The following GPC6 variants were observed in gnomAD, a reference collection of about 807,000 sequenced individuals.
GPC6 encodes glypican 6.
Under a neutral mutation model 55.2 loss-of-function variants are expected in GPC6, and 14 were observed. That is an observed-to-expected ratio of 0.25 (90% CI 0.17 to 0.40). The LOEUF is 0.40. Among genes scored for constraint, GPC6 ranks in the 10% least tolerant of loss-of-function variants. The pLI is 1.00. For missense variants in GPC6, 641 were observed against 708.5 expected, an observed-to-expected ratio of 0.90 and a Z score of 1.08; for synonymous variants, 278 against 259.6, an observed-to-expected ratio of 1.07 and a Z score of -0.68.
intron 4 of GPC6, among the ~76,000 whole-genome samples, chr13:94,136,816 T>C (rs1887201717): frequency 1.3e-5 from 2 of 152,236 alleles, no homozygotes; most frequent in Admixed American, 1.3e-4. Flanking sequence ...TTCAGAATGA[T>C]TATCAGGACA....
chr13:94,042,943 G>A lies in GPC6; in HGVS notation c.877+15049G>A, dbSNP rs115112784. On this transcript the variant is annotated intron_variant, in intron 4 of 8. Coordinates refer to ENST00000377047, the MANE Select transcript of GPC6 (RefSeq NM_005708.5). ...ATCTGTTTAGTTATGTATTTATATC[G>A]GTATGAGCTCATGGTCATTCGTTAT... 4.3e-3 allele frequency among the ~76,000 whole-genome samples: 651 copies of A among 151,490 alleles called. 7 individuals carry two copies. Among genetic ancestry groups the A allele is most frequent in the African/African-American group, 0.015 (621 of 41,370 alleles).
At chr13:93,475,206 A>G (rs1255817468) in intron 1 of GPC6, among the ~76,000 whole-genome samples, 1 of 152,176 alleles carries the variant, frequency 6.6e-6, no homozygotes, top group Non-Finnish European at 1.5e-5. Flanking sequence ...CACTATGATG[A>G]TTGAAACATG....
chr13:93,812,023 T>G (rs1350177838), intron 2 of GPC6, among the ~76,000 whole-genome samples: 2 of 151,920 alleles, frequency 1.3e-5, no homozygotes, highest in Non-Finnish European at 2.9e-5. Flanking sequence ...CCATTTTATA[T>G]ATTCAGTGAA....
chr13:93,627,121 A>G (rs1853200008), intron 2 of GPC6, among the ~76,000 whole-genome samples: 1 of 152,026 alleles, frequency 6.6e-6, no homozygotes, highest in South Asian at 2.1e-4. Context: ...CATTACCTAC[A>G]TTAGGTATTT....
chr13:93,923,206 G>T (rs1399172018), intron 3 of GPC6, among the ~76,000 whole-genome samples: 2 of 152,074 alleles, frequency 1.3e-5, no homozygotes, highest in Non-Finnish European at 2.9e-5. Context: ...GGCTACAGAT[G>T]CACTTAATTA....
Position 93,495,357 on chromosome 13 carries a change from C to T in GPC6, c.161-49906C>T, listed in dbSNP as rs1205870891. Among the ~76,000 whole-genome samples, 4 of 144,938 alleles carry T rather than the reference C, an allele frequency of 2.8e-5. 1 individual carries two copies. In the East Asian group the frequency reaches 8.6e-4, roughly 31 times the overall value. On this transcript the variant is annotated intron_variant, in intron 1 of 8. Coordinates refer to ENST00000377047, the MANE Select transcript of GPC6 (RefSeq NM_005708.5). ...TGCATTCTTCACGTAGTTCTCGAGCCTTGGTTTTCAGCTCCATCAGCTCCT... is the reference window on the plus strand; with the variant it reads ...TGCATTCTTCACGTAGTTCTCGAGCTTTGGTTTTCAGCTCCATCAGCTCCT...
intron 4 of GPC6, among the ~76,000 whole-genome samples, chr13:94,219,415 C>T (rs1411641623): frequency 6.6e-6 from 1 of 152,154 alleles, no homozygotes; most frequent in East Asian, 1.9e-4. Flanking sequence ...ACTAGGGGCT[C>T]TTTACACCCA....
intron 2 of GPC6, among the ~76,000 whole-genome samples, chr13:93,714,474 C>T (rs1182205330): frequency 6.6e-6 from 1 of 151,852 alleles, no homozygotes; most frequent in Non-Finnish European, 1.5e-5. Context: ...AATGCTTATA[C>T]ACTGTTGCTG....
chr13:94,301,518 G>C (rs113343976), intron 5 of GPC6, among the ~76,000 whole-genome samples: 3,259 of 152,292 alleles, frequency 0.021, 47 homozygotes, highest in African/African-American at 0.035. Flanking sequence ...GGAAAATACA[G>C]ATTATGGCAT....
At chr13:93,765,308 T>TTCCAGATAAGCTGTCTGGAAAGCCA in intron 2 of GPC6, among the ~76,000 whole-genome samples, 1 of 148,686 alleles carries the variant, frequency 6.7e-6, no homozygotes, top group African/African-American at 2.5e-5. Context: ...AAAGACAACT[T>TTCCAGATAAGCTGTCTGGAAAGCCA]ATTTGGTTTA....
intron 2 of GPC6, among the ~76,000 whole-genome samples, chr13:93,733,650 A>C (rs1416916071): frequency 6.6e-6 from 1 of 152,038 alleles, no homozygotes; most frequent in South Asian, 2.1e-4. Flanking sequence ...TTGGTAGTCC[A>C]TTCCCATAGT....
intron 6 of GPC6, among the ~76,000 whole-genome samples, chr13:94,311,669 G>A (rs899305147): frequency 3.9e-5 from 6 of 152,280 alleles, no homozygotes; most frequent in East Asian, 3.9e-4. Context: ...AAAAGAAATT[G>A]TCCCCTGAGT....
chr13:93,536,233 A>AAT (rs879805139), intron 1 of GPC6, among the ~76,000 whole-genome samples: 2 of 152,148 alleles, frequency 1.3e-5, no homozygotes, highest in South Asian at 2.1e-4. Flanking sequence ...AAATTGGTAA[A>AAT]ATATATATAA....
chr13:93,422,281 C>A (rs1876950821), intron 1 of GPC6, among the ~76,000 whole-genome samples: 1 of 152,114 alleles, frequency 6.6e-6, no homozygotes. Flanking sequence ...TGAGATTTTT[C>A]ATTTAGAGAA....
At chr13:93,635,120 A>G (rs908699347) in intron 2 of GPC6, among the ~76,000 whole-genome samples, 22 of 151,774 alleles carry the variant, frequency 1.4e-4, no homozygotes, top group Admixed American at 1.3e-3. Context: ...TTGATTCTAG[A>G]TGAATTTGGC....
intron 1 of GPC6, among the ~76,000 whole-genome samples, chr13:93,378,843 A>G (rs1476022089): frequency 6.6e-6 from 1 of 151,926 alleles, no homozygotes; most frequent in Middle Eastern, 3.2e-3. Flanking sequence ...AATAAATACA[A>G]CAATTACCAG....
intron 4 of GPC6, among the ~76,000 whole-genome samples, chr13:94,253,971 A>T (rs150105092): frequency 1.1e-4 from 16 of 152,206 alleles, no homozygotes; most frequent in African/African-American, 3.9e-4. Context: ...TGTATTGATG[A>T]TTTAGTCTTT....
At chr13:94,054,923 T>C (rs1884079247) in intron 4 of GPC6, among the ~76,000 whole-genome samples, 1 of 152,076 alleles carries the variant, frequency 6.6e-6, no homozygotes, top group South Asian at 2.1e-4. Flanking sequence ...TTAATCTTAT[T>C]CTCTGCACAC....
In GPC6 at chr13:94,070,056, G is replaced by A. The variant is rs187446649; in HGVS notation, c.877+42162G>A. Among the ~76,000 whole-genome samples the A allele has an allele frequency of 6.7e-3, 1,018 of 152,282 alleles. 7 individuals are homozygous for A. Among genetic ancestry groups the A allele is most frequent in the Admixed American group, 0.011 (170 of 15,290 alleles). On this transcript the variant is annotated intron_variant, in intron 4 of 8. Transcript: ENST00000377047. ...TGCTAGTGAAGACATATCCGAGACT[G>A]GGCAATTTACAAAAGAAAGAGATTT...
Sources: gnomAD v4.1 joint callset for allele counts (sites outside exome capture counted in the v4.1 genomes callset) on GRCh38, gnomAD v4.1.1 for gene constraint, MANE v1.5 for transcripts, NCBI Gene and HGNC (gene_info 2026-07-23, HGNC 2026-07-21) for gene names.